The following ZFAND3 variants were observed in gnomAD, a reference collection of about 807,000 sequenced individuals.
The protein encoded by ZFAND3 is zinc finger AN1-type containing 3, also known as AN1-type zinc finger protein 3.
Under a neutral mutation model 29.6 loss-of-function variants are expected in ZFAND3, and 10 were observed. The observed-to-expected ratio is 0.34, with a 90% CI of 0.21 to 0.57. The LOEUF (loss-of-function observed/expected upper bound fraction) is 0.57, where lower values mean the gene tolerates loss of function less well. ZFAND3 is among the 20% of genes least tolerant of loss of function. The pLI is 0.86. For synonymous variants in ZFAND3, 128 were observed against 112.6 expected, an observed-to-expected ratio of 1.14 and a Z score of -0.87; for missense variants, 230 against 304.5, an observed-to-expected ratio of 0.76 and a Z score of 1.82.
At chr6:37,985,320 ATAAC>A (rs1762647739) in intron 2 of ZFAND3, among the ~76,000 whole-genome samples, 10 of 152,174 alleles carry the variant, frequency 6.6e-5, no homozygotes, top group African/African-American at 2.4e-4. Flanking sequence ...TTGTAATGAA[ATAAC>A]TCAGTTTAAC....
chr6:37,985,621 G>A (rs1485471564), intron 2 of ZFAND3, among the ~76,000 whole-genome samples: 2 of 152,066 alleles, frequency 1.3e-5, no homozygotes, highest in Admixed American at 6.5e-5. Context: ...TTGAGGCTGC[G>A]GTGAACCAAG....
intron 1 of ZFAND3, among the ~76,000 whole-genome samples, chr6:37,844,129 G>A (rs918117407): frequency 7.3e-5 from 11 of 151,628 alleles, no homozygotes; most frequent in African/African-American, 2.4e-4. Flanking sequence ...TTTGCCAGTT[G>A]CCCAGGCTGG....
chr6:38,109,238 A>G (rs1041540989), intron 4 of ZFAND3, among the ~76,000 whole-genome samples: 1 of 146,786 alleles, frequency 6.8e-6, no homozygotes, highest in Non-Finnish European at 1.5e-5. Context: ...GCTGGAGTGC[A>G]ATGGCGCGAT....
chr6:37,947,043 T>C (rs1003989583), intron 2 of ZFAND3, among the ~76,000 whole-genome samples: 1 of 152,168 alleles, frequency 6.6e-6, no homozygotes, highest in Non-Finnish European at 1.5e-5. Flanking sequence ...TTAAAAACGG[T>C]TAAGATGGTA....
rs70981524 is a variant in ZFAND3 at position 38,144,211 on chromosome 6, A to ATATATAT, written c.530-8024_530-8023insTATATAT. On this transcript the variant is annotated intron_variant, in intron 5 of 5. Coordinates refer to ENST00000287218, the MANE Select transcript of ZFAND3 (RefSeq NM_021943.3). ...TATATATATATATATATATATATAT[A>ATATATAT]ATATATAATATATATATATATTTTT... Among the ~76,000 whole-genome samples, 110 of 45,816 alleles carry ATATATAT rather than the reference A, an allele frequency of 2.4e-3. 1 individual carries two copies. Among genetic ancestry groups the ATATATAT allele is most frequent in the African/African-American group, 3.8e-3 (31 of 8,064 alleles). The allele number at this position is 45,816 out of a possible 152,430, so 30.1% of individuals were successfully genotyped here.
intron 1 of ZFAND3, among the ~76,000 whole-genome samples, chr6:37,891,416 T>TCACC (rs1765096127): frequency 8.5e-6 from 1 of 117,136 alleles, no homozygotes; most frequent in Non-Finnish European, 1.7e-5. Context: ...GAGATTTCAG[T>TCACC]CCCCCCCCCC....
chr6:38,019,145 A>G (rs1042765022), intron 2 of ZFAND3, among the ~76,000 whole-genome samples: 10 of 152,082 alleles, frequency 6.6e-5, no homozygotes, highest in Non-Finnish European at 1.5e-4. Flanking sequence ...TTTTTAGTAG[A>G]TACAGGGTTT....
intron 1 of ZFAND3, among the ~76,000 whole-genome samples, chr6:37,862,594 G>A (rs1283357572): frequency 3.3e-5 from 5 of 151,744 alleles, no homozygotes; most frequent in East Asian, 1.9e-4. Flanking sequence ...TGAGGTGGGC[G>A]GGCTCACTTG....
chr6:38,086,646 C>T (rs9349053), intron 4 of ZFAND3, among the ~76,000 whole-genome samples: 45,219 of 152,022 alleles, frequency 0.3, 7,339 homozygotes, highest in East Asian at 0.57. Context: ...CTTTTCTAAC[C>T]GTCAAGTTAT....
intron 2 of ZFAND3, among the ~76,000 whole-genome samples, chr6:37,969,228 T>C (rs1055220399): frequency 2.6e-5 from 4 of 152,362 alleles, no homozygotes; most frequent in Admixed American, 2.0e-4. Flanking sequence ...GAATGTTATG[T>C]GGCACATGAC....
At chr6:37,900,002 C>T (rs952506451) in intron 1 of ZFAND3, among the ~76,000 whole-genome samples, 35 of 152,044 alleles carry the variant, frequency 2.3e-4, no homozygotes, top group Non-Finnish European at 4.4e-4. Flanking sequence ...TGTAGAATTA[C>T]GTCATTCTTT....
intron 2 of ZFAND3, among the ~76,000 whole-genome samples, chr6:37,991,428 C>T (rs1482456107): frequency 6.6e-6 from 1 of 152,104 alleles, no homozygotes. Context: ...TCTTGGCTCA[C>T]TGCAACTTTT....
intron 2 of ZFAND3, among the ~76,000 whole-genome samples, chr6:38,044,132 T>A (rs2127457279): frequency 6.6e-6 from 1 of 152,330 alleles, no homozygotes; most frequent in South Asian, 2.1e-4. Context: ...TAAAAAAGCA[T>A]TCCAAAGTCT....
intron 1 of ZFAND3, among the ~76,000 whole-genome samples, chr6:37,877,669 T>A (rs1035506061): frequency 3.3e-5 from 5 of 152,194 alleles, no homozygotes; most frequent in Non-Finnish European, 7.3e-5. Flanking sequence ...TTTACATGCT[T>A]GATATTGCTT....
At chr6:37,835,176 G>A (rs987557802) in intron 1 of ZFAND3, among the ~76,000 whole-genome samples, 4 of 152,030 alleles carry the variant, frequency 2.6e-5, no homozygotes, top group African/African-American at 9.7e-5. Context: ...TTTTGTTGTT[G>A]GAGATAGAGT....
chr6:38,049,060 CCA>C (rs1763967674), intron 2 of ZFAND3, among the ~76,000 whole-genome samples: 5 of 152,100 alleles, frequency 3.3e-5, no homozygotes, highest in Non-Finnish European at 7.4e-5. Context: ...CTTACACTTG[CCA>C]GTTAGCCACA....
intron 5 of ZFAND3, among the ~76,000 whole-genome samples, chr6:38,134,007 G>A (rs1182807138): frequency 2.0e-5 from 3 of 152,020 alleles, no homozygotes; most frequent in Admixed American, 6.6e-5. Flanking sequence ...CCACTTCCCC[G>A]TTTCAGAGAT....
chr6:37,867,452 C>T (rs1764610105), intron 1 of ZFAND3, among the ~76,000 whole-genome samples: 1 of 152,128 alleles, frequency 6.6e-6, no homozygotes, highest in Non-Finnish European at 1.5e-5. Context: ...AATTTTTCTG[C>T]TGCATCTGCT....
At chr6:38,067,471 G>T (rs1445246728) in intron 3 of ZFAND3, among the ~76,000 whole-genome samples, 2 of 152,200 alleles carry the variant, frequency 1.3e-5, no homozygotes, top group African/African-American at 4.8e-5. Flanking sequence ...CACCATAGCT[G>T]CCATTCTCTA....
Sources: gnomAD v4.1 joint callset for allele counts (sites outside exome capture counted in the v4.1 genomes callset) on GRCh38, gnomAD v4.1.1 for gene constraint, MANE v1.5 for transcripts, NCBI Gene and HGNC (gene_info 2026-07-23, HGNC 2026-07-21) for gene names.